Variants in F5 observed in about 807,000 individuals in gnomAD.
F5 encodes the protein activated protein c cofactor.
Under a neutral mutation model 216.4 loss-of-function variants are expected in F5, and 138 were observed. The observed-to-expected ratio is 0.64, with a 90% CI of 0.56 to 0.73. F5 has a LOEUF of 0.73. Ranked by LOEUF, F5 falls within the 30% of genes least tolerant of loss-of-function variation. The probability of loss-of-function intolerance (pLI) is 0.00; values close to 1 mark genes in which losing one functional copy is unlikely to be tolerated. For synonymous variants in F5, 916 were observed against 930.7 expected (o/e 0.98, Z 0.29); for missense variants, 2,403 against 2,674.0 (o/e 0.90, Z 2.24).
rs770798162 is a variant in F5 at position 169,542,072 on chromosome 1, A to G, written c.3018T>C (p.His1006=). 2 of 1,613,904 alleles carry G rather than the reference A, an allele frequency of 1.2e-6. No individual in the cohort carries two copies. The highest frequency in any genetic ancestry group is 1.7e-6 in the Non-Finnish European group (2 of 1,179,968). The change falls in exon 13 of 25, where the codon CAT becomes CAC. Residue 1006 remains histidine (H), a synonymous_variant. Transcript: ENST00000367797. ...SGHPKFPRVR[H]KSLQVRQDGG... The stretch of plus-strand genomic sequence containing the variant: ...CATCCTGTCTTACTTGTAGAGATTT[A>G]TGTCTAACTCTAGGAAACTTTGGGT...
At chr1:169,559,434 C>A in intron 4 of F5, 138 bp from the exon 5 acceptor site, 1 of 880,216 alleles carries the variant, frequency 1.1e-6, no homozygotes, top group Non-Finnish European at 1.8e-6. Flanking sequence ...TTTAAAATAG[C>A]ATATTTATCA....
intron 24 of F5, 34 bp downstream of exon 24, chr1:169,515,410 A>G: frequency 6.2e-7 from 1 of 1,610,350 alleles, no homozygotes; most frequent in Non-Finnish European, 8.5e-7. Flanking sequence ...CACAGTCTTC[A>G]GATTGCTTTC....
Position 169,555,171 on chromosome 1 carries a change from C to T in F5, c.1118+11G>A, listed in dbSNP as rs764056433. 3.7e-6 allele frequency: 6 copies of T among 1,614,002 alleles called. No homozygotes were observed. In the South Asian group the frequency reaches 6.6e-5, roughly 18 times the overall value. On this transcript the variant is annotated intron_variant, in intron 7 of 24. Transcript: ENST00000367797. ...AACCTTTGCCCAGTGGTATGAACCC[C>T]AACAACTCACTTGTCCATATTCGCT...
chr1:169,560,066 G>A (rs1327741978), intron 4 of F5, among the ~76,000 whole-genome samples: 1 of 152,130 alleles, frequency 6.6e-6, no homozygotes, highest in Admixed American at 6.6e-5. Flanking sequence ...AAAGTCACTT[G>A]AGTGTGTTTG....
chr1:169,558,783 C>G (rs1277801569), intron 5 of F5, among the ~76,000 whole-genome samples: 4 of 152,122 alleles, frequency 2.6e-5, no homozygotes, highest in Non-Finnish European at 4.4e-5. Flanking sequence ...ATCTGTTCAT[C>G]TTTACTGCAA....
rs1659201101 is a variant in F5, at chr1:169,518,130, AT to A, written c.6345+281del. 3.3e-5 allele frequency among the ~76,000 whole-genome samples: 5 copies of A among 152,146 alleles called. No homozygotes were observed. In the South Asian group the frequency reaches 1.0e-3, roughly 32 times the overall value. On this transcript the variant is annotated intron_variant, in intron 23 of 24. Coordinates refer to ENST00000367797, the MANE Select transcript of F5 (RefSeq NM_000130.5). ...ATGTATGGCCCACAAAGACTAAAAT[AT>A]TTACCATCTATCCCTTTGCAGAAAA...
intron 3 of F5, among the ~76,000 whole-genome samples, chr1:169,570,434 AGT>A (rs1660697448): frequency 6.6e-6 from 1 of 152,130 alleles, no homozygotes; most frequent in South Asian, 2.1e-4. Context: ...AAGTAGGTGA[AGT>A]GGTTGTTCAC....
rs750217863 is a variant in F5, at chr1:169,540,875, G to T, written c.4215C>A (p.Asp1405Glu). ...CTGGAGAAAGTGTCATCTGGTCGAG[G>T]TCTGGGGTAAGGGGAATTTGACTGA... ...ADLSQIPLTP[D>E]LDQMTLSPDL... The change falls in exon 13 of 25, where the codon GAC (aspartate) becomes GAA (glutamate). Residue 1405 changes from aspartate (D) to glutamate (E), a missense_variant. By Grantham distance (45) the Asp-to-Glu change is conservative. Transcript: ENST00000367797. The T allele has an allele frequency of 1.2e-6, 2 of 1,611,306 alleles. No homozygotes were observed. Among genetic ancestry groups the T allele is most frequent in the African/African-American group, 1.3e-5 (1 of 74,840 alleles).
chr1:169,529,542 G>A (rs914478947), intron 16 of F5, 66 bp downstream of exon 16: 1 of 1,399,044 alleles, frequency 7.1e-7, no homozygotes, highest in Non-Finnish European at 1.0e-6. Flanking sequence ...GAATATCTAA[G>A]GGCAGAAATC....
chr1:169,535,552 C>T (rs1053996581), intron 14 of F5, among the ~76,000 whole-genome samples: 2 of 152,254 alleles, frequency 1.3e-5, no homozygotes, highest in East Asian at 3.9e-4. Context: ...TTTTGAGTCT[C>T]CAATGTCCAT....
In F5 at chr1:169,547,986, T is replaced by A. The variant is rs12409749; in HGVS notation, c.1612-1394A>T. On this transcript the variant is annotated intron_variant, in intron 10 of 24. Coordinates refer to ENST00000367797, the MANE Select transcript of F5 (RefSeq NM_000130.5). The stretch of plus-strand genomic sequence containing the variant: ...CTGGATGAAGAAAATATGGTACATA[T>A]ACACCATAGAATACTATGTGACCAT... Among the ~76,000 whole-genome samples the A allele has an allele frequency of 2.6e-3, 390 of 152,290 alleles. 6 individuals carry two copies. Among genetic ancestry groups the A allele is most frequent in the Admixed American group, 0.023 (345 of 15,298 alleles).
intron 7 of F5, among the ~76,000 whole-genome samples, chr1:169,553,484 A>G (rs778657002): frequency 1.7e-4 from 26 of 152,314 alleles, no homozygotes; most frequent in Admixed American, 4.6e-4. Flanking sequence ...CGAGGCGGGC[A>G]AATCACGAGG....
intron 8 of F5, among the ~76,000 whole-genome samples, chr1:169,552,122 A>C (rs977326728): frequency 6.6e-6 from 1 of 152,186 alleles, no homozygotes; most frequent in Non-Finnish European, 1.5e-5. Context: ...CTTTTGTAGA[A>C]CTCATTAAAG....
At position 169,552,596 on chromosome 1, in the gene F5, C is replaced by G. The variant is rs2101827186; in HGVS notation, c.1257G>C (p.Leu419Phe). 6.2e-7 allele frequency: 1 copy of G among 1,613,704 alleles called. No homozygotes were observed. Among genetic ancestry groups the G allele is most frequent in the South Asian group, 1.1e-5 (1 of 91,052 alleles). ...TGACCTGGGCTCTGATAATAGGACC[C>G]AAAATCCCATCTTCTTTCATATTGG... ...VNPNMKEDGI[L>F]GPIIRAQVRD... is the part of the protein sequence containing the mutation. The change falls in exon 8 of 25, where the codon TTG becomes TTC. Residue 419 changes from leucine to phenylalanine, a missense_variant. By Grantham distance (22) the Leu-to-Phe change is conservative. This residue lies in a region of F5 where 1,425 missense variants were observed against 1,554.8 expected (regional missense o/e 0.92). Coordinates refer to ENST00000367797, the MANE Select transcript of F5 (RefSeq NM_000130.5).
chr1:169,582,376 C>T, intron 2 of F5, 55 bp downstream of exon 2: 2 of 994,912 alleles, frequency 2.0e-6, no homozygotes, highest in South Asian at 3.1e-5. Flanking sequence ...ATGTGAATGC[C>T]AAATTACCCA....
In F5 at chr1:169,560,717, A is replaced by G; in HGVS notation, c.423T>C (p.Ala141=). 1 of 1,613,384 alleles carries G rather than the reference A, an allele frequency of 6.2e-7. No individual in the cohort carries two copies. Residue 141 remains alanine, a synonymous_variant, in exon 4 of 25, where the codon GCT becomes GCC. Coordinates refer to ENST00000367797, the MANE Select transcript of F5 (RefSeq NM_000130.5). The stretch of plus-strand genomic sequence containing the variant: ...AGGTGTATTCTCGGCCTGGAGCCAC[A>G]GCGTCGTCCATCTTCTCCGCAGGGA... ...HTFPAEKMDD[A]VAPGREYTYE...
chr1:169,566,425 C>T (rs1660602166), intron 3 of F5, among the ~76,000 whole-genome samples: 1 of 152,060 alleles, frequency 6.6e-6, no homozygotes, highest in African/African-American at 2.4e-5. Context: ...GCTCATTCTT[C>T]AGATGTCAGA....
At position 169,552,548 on chromosome 1, in the gene F5, GTTAC is replaced by G; in HGVS notation, c.1296+5_1296+8del. Reference sequence around the variant, plus strand: ...ATTTCTCCCATGATTCTGTATTTGTGTTACTTACTTTGAGTGTGTCTCTGACCTG... The same window carrying G: ...ATTTCTCCCATGATTCTGTATTTGTGTTACTTTGAGTGTGTCTCTGACCTG... On this transcript the variant is annotated splice_donor_5th_base_variant and intron_variant, in intron 8 of 24. Transcript: ENST00000367797. 1 of 1,609,796 alleles carries G rather than the reference GTTAC, an allele frequency of 6.2e-7. No homozygotes were observed. Among genetic ancestry groups the G allele is most frequent in the South Asian group, 1.1e-5 (1 of 90,928 alleles).
At chr1:169,554,685 T>A (rs73051173) in intron 7 of F5, among the ~76,000 whole-genome samples, 1 of 152,248 alleles carries the variant, frequency 6.6e-6, no homozygotes, top group Admixed American at 6.5e-5. Context: ...ATGATAGTTC[T>A]TTTTTCTCAC....
Sources: allele counts gnomAD v4.1 joint callset (sites outside exome capture counted in the v4.1 genomes callset), GRCh38; gene constraint gnomAD v4.1.1; regional missense constraint gnomAD v4.1.1; transcripts MANE v1.5; gene names NCBI Gene and HGNC (gene_info 2026-07-23, HGNC 2026-07-21).